Variants in SFI1 observed in about 807,000 individuals in gnomAD.
SFI1 encodes SFI1 centrin binding protein, also known as protein SFI1 homolog.
SFI1 carries 195 observed loss-of-function variants against 207.5 expected under a neutral mutation model. The ratio of observed to expected loss-of-function variants is 0.94; its 90% CI spans 0.84 to 1.06. The LOEUF (loss-of-function observed/expected upper bound fraction) is 1.06, where lower values mean the gene tolerates loss of function less well. SFI1 is among the 50% of genes least tolerant of loss of function. The pLI is 0.00. For synonymous variants in SFI1, 630 were observed against 598.9 expected, an observed-to-expected ratio of 1.05 and a Z score of -0.76; for missense variants, 1,634 against 1,588.0, an observed-to-expected ratio of 1.03 and a Z score of -0.49.
chr22:31,613,673 C>T lies in SFI1; in HGVS notation c.2814C>T (p.Gly938=), dbSNP rs1333926803. 3.5e-5 allele frequency: 56 copies of T among 1,609,136 alleles called. No homozygotes were observed. The East Asian group carries it at 1.0e-3, about 29-fold the overall frequency. ...GGAAACAGAAAGTGCTGGGCCGGGG[C>T]GGGAAGCCTCAGCCCCTGGCAGCCA... ...TLWKQKVLGR[G]GKPQPLAAIA... Residue 938 remains glycine, a synonymous_variant, in exon 27 of 33, where the codon GGC becomes GGT. Coordinates refer to ENST00000400288, the MANE Select transcript of SFI1 (RefSeq NM_001007467.3).
intron 2 of SFI1, among the ~76,000 whole-genome samples, chr22:31,509,449 G>A (rs1423494193): frequency 6.6e-6 from 1 of 152,244 alleles, no homozygotes; most frequent in Non-Finnish European, 1.5e-5. Flanking sequence ...AGAACTTGGA[G>A]TCTGATGTTC....
chr22:31,519,019 C>G (rs1306270472), intron 2 of SFI1, among the ~76,000 whole-genome samples: 4 of 152,178 alleles, frequency 2.6e-5, no homozygotes, highest in Non-Finnish European at 4.4e-5. Context: ...CTGTGCCCCT[C>G]TTCCCTTTGT....
At chr22:31,509,729 C>T (rs910213396) in intron 2 of SFI1, among the ~76,000 whole-genome samples, 15 of 152,084 alleles carry the variant, frequency 9.9e-5, no homozygotes, top group African/African-American at 2.7e-4. Context: ...GGTTTTTATA[C>T]GTTGTTGGAT....
At chr22:31,567,470 T>C (rs55853109) in intron 8 of SFI1, among the ~76,000 whole-genome samples, 7,362 of 152,096 alleles carry the variant, frequency 0.048, 174 homozygotes, top group African/African-American at 0.064. Context: ...GTGACATGAT[T>C]ATACCTACCT....
chr22:31,543,826 GA>G (rs945028302), intron 4 of SFI1, among the ~76,000 whole-genome samples: 5 of 144,462 alleles, frequency 3.5e-5, no homozygotes, highest in East Asian at 2.1e-4. Flanking sequence ...AAAAAAAAAA[GA>G]AAAAAAACTA....
intron 14 of SFI1, among the ~76,000 whole-genome samples, chr22:31,586,867 A>G (rs752633192): frequency 6.6e-6 from 1 of 152,318 alleles, no homozygotes; most frequent in South Asian, 2.1e-4. Flanking sequence ...TTTCAAAGGT[A>G]TAGCGGGTCT....
intron 22 of SFI1, among the ~76,000 whole-genome samples, chr22:31,609,393 T>C (rs1160986072): frequency 7.2e-5 from 11 of 152,124 alleles, no homozygotes. Context: ...GGCAGACCCA[T>C]GGGGAGCTGT....
chr22:31,574,547 C>T (rs2063278016), intron 9 of SFI1, among the ~76,000 whole-genome samples: 2 of 152,220 alleles, frequency 1.3e-5, no homozygotes, highest in African/African-American at 2.4e-5. Context: ...TCTCTAAGTC[C>T]TATCCAGGAG....
Position 31,547,528 on chromosome 22 carries a change from C to T in SFI1, c.449+557C>T, listed in dbSNP as rs554668295. On this transcript the variant is annotated intron_variant, in intron 5 of 32. Transcript: ENST00000400288. ...GTTATTTCATGTTGGCTGGGCTGGT[C>T]TTGAACTCCTGACTTCAGGTGATCC... is the stretch of plus-strand genomic sequence containing the variant. Among the ~76,000 whole-genome samples, 120 of 151,756 alleles carry T rather than the reference C, an allele frequency of 7.9e-4. 1 individual carries two copies. Among genetic ancestry groups the T allele is most frequent in the Middle Eastern group, 3.4e-3 (1 of 294 alleles).
At chr22:31,518,997 C>A (rs965263787) in intron 2 of SFI1, among the ~76,000 whole-genome samples, 1 of 152,170 alleles carries the variant, frequency 6.6e-6, no homozygotes, top group Non-Finnish European at 1.5e-5. Flanking sequence ...TTGATTTCTT[C>A]CAGACTATGC....
rs544202863 is a variant in SFI1 at position 31,597,133 on chromosome 22, C to T, written c.1545-5079C>T. 6.0e-4 allele frequency among the ~76,000 whole-genome samples: 91 copies of T among 152,298 alleles called. 3 individuals carry two copies. In the South Asian group the frequency reaches 0.019, roughly 31 times the overall value. ...GTTTCTTTTTTTACTGTCAAGTAGC[C>T]GTGCTTGGTTCTATTCTTTTTTTGT... On this transcript the variant is annotated intron_variant, in intron 15 of 32. Coordinates refer to ENST00000400288, the MANE Select transcript of SFI1 (RefSeq NM_001007467.3).
chr22:31,607,873 C>A, intron 21 of SFI1, 64 bp from the exon 22 acceptor site: 1 of 1,474,534 alleles, frequency 6.8e-7, no homozygotes, highest in Non-Finnish European at 9.4e-7. Flanking sequence ...CCGTCACAGA[C>A]CTGGGGTGGA....
intron 4 of SFI1, among the ~76,000 whole-genome samples, chr22:31,537,315 C>T (rs2059091624): frequency 6.6e-6 from 1 of 152,136 alleles, no homozygotes; most frequent in Non-Finnish European, 1.5e-5. Flanking sequence ...CTGCTTCTGC[C>T]TCATTGGCCA....
chr22:31,603,144 A>G (rs991126972), intron 17 of SFI1, among the ~76,000 whole-genome samples: 1 of 152,210 alleles, frequency 6.6e-6, no homozygotes, highest in African/African-American at 2.4e-5. Flanking sequence ...AAGCACGGAA[A>G]TTGGCATGAA....
chr22:31,511,876 TC>T (rs1412149102), intron 2 of SFI1, among the ~76,000 whole-genome samples: 3 of 152,044 alleles, frequency 2.0e-5, no homozygotes, highest in Non-Finnish European at 4.4e-5. Context: ...GGTCTTGAAC[TC>T]CTGGCCTCAA....
intron 2 of SFI1, among the ~76,000 whole-genome samples, chr22:31,512,355 CAAA>C (rs1215817231): frequency 1.0e-5 from 1 of 97,542 alleles, no homozygotes. Context: ...AACTCCATCT[CAAA>C]AAAAAAAAAA....
At chr22:31,499,502 T>C (rs2053352019) in intron 1 of SFI1, among the ~76,000 whole-genome samples, 1 of 152,164 alleles carries the variant, frequency 6.6e-6, no homozygotes, top group Non-Finnish European at 1.5e-5. Flanking sequence ...AATCTACACC[T>C]GGTGAAGATG....
rs1355149452 is a variant in SFI1, at chr22:31,603,833, G to A, written c.1881+14G>A. On this transcript the variant is annotated intron_variant, in intron 18 of 32. Transcript: ENST00000400288. ...CAGTGGAGGGAGGTAAGGCTTTGGT[G>A]CGAGGTGCCACCCGTGTATGACTTT... 1.3e-6 allele frequency: 2 copies of A among 1,574,748 alleles called. No homozygotes were observed.
intron 2 of SFI1, among the ~76,000 whole-genome samples, chr22:31,509,910 G>T (rs1168168331): frequency 6.6e-6 from 1 of 151,174 alleles, no homozygotes; most frequent in African/African-American, 2.4e-5. Flanking sequence ...GCATTGTTTT[G>T]ATATTTATTT....
Sources: gnomAD v4.1 joint callset for allele counts (sites outside exome capture counted in the v4.1 genomes callset) on GRCh38, gnomAD v4.1.1 for gene constraint, MANE v1.5 for transcripts, NCBI Gene and HGNC (gene_info 2026-07-23, HGNC 2026-07-21) for gene names.